The following IGDCC4 variants were observed in gnomAD, a reference collection of about 807,000 sequenced individuals.
IGDCC4 encodes likely ortholog of mouse neighbor of Punc E11.
IGDCC4 carries 72 observed loss-of-function variants against 116.6 expected under a neutral mutation model. The ratio of observed to expected loss-of-function variants is 0.62; its 90% CI spans 0.51 to 0.75. The LOEUF is 0.75. Ranked by LOEUF, IGDCC4 falls within the 30% of genes least tolerant of loss-of-function variation. The pLI, the probability that IGDCC4 is intolerant of heterozygous loss-of-function variation, is 0.00. For synonymous variants in IGDCC4, 709 were observed against 719.9 expected (o/e 0.98, Z 0.24); for missense variants, 1,501 against 1,662.4 (o/e 0.90, Z 1.69).
chr15:65,412,944 TAC>T (rs10563998), intron 1 of IGDCC4, among the ~76,000 whole-genome samples: 48,249 of 147,026 alleles, frequency 0.33, 9,226 homozygotes, highest in East Asian at 0.7. Flanking sequence ...TCTCTCTCTG[TAC>T]ACACACACAC....
rs770329652 is a variant in IGDCC4 at position 65,410,274 on chromosome 15, T to A, written c.467A>T (p.Glu156Val). 2 of 1,614,000 alleles carry A rather than the reference T, an allele frequency of 1.2e-6. No individual in the cohort carries two copies. Among genetic ancestry groups the A allele is most frequent in the Non-Finnish European group, 1.7e-6 (2 of 1,180,026 alleles). ...GCACTCAAAGCGAGCTGTCCCGTTCTCCTCCACCGTCTGAGACTCCGGGTG... is the reference window on the plus strand; with the variant it reads ...GCACTCAAAGCGAGCTGTCCCGTTCACCTCCACCGTCTGAGACTCCGGGTG... ...SLHPESQTVE[E>V]NGTARFECHI... The change falls in exon 3 of 20, where the codon GAG (glutamate) becomes GTG (valine). Residue 156 changes from glutamate to valine, a missense_variant. This residue lies in a region of IGDCC4 where 898 missense variants were observed against 978.9 expected (regional missense o/e 0.92). Transcript: ENST00000352385.
At position 65,402,511 on chromosome 15, in the gene IGDCC4, C is replaced by A. The variant is rs369079493; in HGVS notation, c.564-24G>T. ...GCCTTGGGAAGAGGGGAGCAGGCAA[C>A]TGTGAGGTGGGCAGGGGGGCCACAG... is the stretch of plus-strand genomic sequence containing the variant. On this transcript the variant is annotated intron_variant, in intron 3 of 19. Transcript: ENST00000352385. The A allele has an allele frequency of 3.1e-5, 48 of 1,560,820 alleles. 1 individual carries two copies. Among genetic ancestry groups the A allele is most frequent in the East Asian group, 2.8e-4 (12 of 42,700 alleles).
rs59690408 is a variant in IGDCC4, at chr15:65,413,024, ATGTGTG to A, written c.71-1660_71-1655del. Reference sequence around the variant, plus strand: ...TAAAATGTATTATAAGTGTGAGAAAATGTGTGTGTGTGTGTGTGTGTGTGTGTGTGT... The same window carrying A: ...TAAAATGTATTATAAGTGTGAGAAAATGTGTGTGTGTGTGTGTGTGTGTGT... On this transcript the variant is annotated intron_variant, in intron 1 of 19. Transcript: ENST00000352385. 8.5e-3 allele frequency among the ~76,000 whole-genome samples: 1,239 copies of A among 145,998 alleles called. 17 individuals are homozygous for A. Among genetic ancestry groups the A allele is most frequent in the African/African-American group, 0.024 (943 of 39,590 alleles).
intron 6 of IGDCC4, 46 bp downstream of exon 6, chr15:65,396,788 C>T (rs2062931525): frequency 1.3e-6 from 2 of 1,544,424 alleles, no homozygotes; most frequent in Non-Finnish European, 1.7e-6. Flanking sequence ...CTCTATTCAC[C>T]CCAGCCCCAG....
intron 5 of IGDCC4, among the ~76,000 whole-genome samples, chr15:65,398,525 C>T (rs181590795): frequency 1.8e-4 from 17 of 94,684 alleles, no homozygotes; most frequent in Non-Finnish European, 3.3e-4. Context: ...CAGAGCAAAA[C>T]TCCATCTCAA....
chr15:65,401,236 G>T (rs1442800808), intron 4 of IGDCC4, among the ~76,000 whole-genome samples: 1 of 152,228 alleles, frequency 6.6e-6, no homozygotes, highest in East Asian at 1.9e-4. Flanking sequence ...CCACCATCTA[G>T]GCAGAGGACT....
At chr15:65,411,515 A>T (rs1275321711) in intron 1 of IGDCC4, 145 bp from the exon 2 acceptor site, 1 of 638,550 alleles carries the variant, frequency 1.6e-6, no homozygotes, top group South Asian at 2.5e-5. Flanking sequence ...ACTAACTGTG[A>T]CCTTGGACAA....
intron 14 of IGDCC4, 80 bp downstream of exon 14, chr15:65,389,204 T>C: frequency 1.9e-6 from 3 of 1,570,596 alleles, no homozygotes; most frequent in Non-Finnish European, 2.6e-6. Context: ...CTTGGGGTTC[T>C]GAAGTATGTT....
Position 65,383,771 on chromosome 15 carries a change from T to C in IGDCC4, c.*238A>G. The stretch of plus-strand genomic sequence containing the variant: ...AGTACGCATACATGCACTTCACACA[T>C]GTGCACATCACATGTAGCTATGTCT... On this transcript the variant is annotated 3_prime_UTR_variant, in exon 20 of 20. Coordinates refer to ENST00000352385, the MANE Select transcript of IGDCC4 (RefSeq NM_020962.3). The C allele has an allele frequency of 4.4e-6, 2 of 458,984 alleles. No individual in the cohort carries two copies. The highest frequency in any genetic ancestry group is 3.8e-6 in the Non-Finnish European group (1 of 259,850). 28.4% of individuals were successfully genotyped at this position (458,984 alleles called of 1,614,324 possible). A position where few individuals can be genotyped will look rare whatever the true frequency, so the allele number is the denominator to read the frequency against.
chr15:65,422,661 G>T, intron 1 of IGDCC4, 132 bp downstream of exon 1: 1 of 635,380 alleles, frequency 1.6e-6, no homozygotes, highest in African/African-American at 2.0e-5. Context: ...GGCATCGCGG[G>T]CACCTGGACG....
At chr15:65,399,718 C>T (rs1467062753) in intron 5 of IGDCC4, among the ~76,000 whole-genome samples, 1 of 152,078 alleles carries the variant, frequency 6.6e-6, no homozygotes, top group Non-Finnish European at 1.5e-5. Flanking sequence ...ATTTTATCAG[C>T]TCATTGGTGG....
chr15:65,385,627 C>A, intron 18 of IGDCC4: 1 of 643,836 alleles, frequency 1.6e-6, no homozygotes, highest in South Asian at 1.8e-5. Flanking sequence ...TTCGTGAGAA[C>A]CAAGCTGACC....
intron 13 of IGDCC4, 131 bp downstream of exon 13, chr15:65,390,024 G>A (rs540395812): frequency 3.4e-5 from 27 of 793,802 alleles, no homozygotes; most frequent in Admixed American, 7.5e-5. Flanking sequence ...TGGCCTCAGC[G>A]TAACAGGTGA....
chr15:65,415,508 C>T (rs922557469), intron 1 of IGDCC4, among the ~76,000 whole-genome samples: 5 of 152,212 alleles, frequency 3.3e-5, no homozygotes, highest in Admixed American at 6.5e-5. Flanking sequence ...GCAACAGGAA[C>T]GTAGACACAG....
intron 16 of IGDCC4, 128 bp from the exon 17 acceptor site, chr15:65,386,784 T>C: frequency 1.5e-6 from 1 of 676,330 alleles, no homozygotes; most frequent in South Asian, 1.9e-5. Context: ...CTCACAATCT[T>C]CTGATACAAG....
intron 3 of IGDCC4, among the ~76,000 whole-genome samples, chr15:65,404,444 C>T (rs2063021046): frequency 1.3e-5 from 2 of 152,130 alleles, no homozygotes; most frequent in Non-Finnish European, 2.9e-5. Context: ...AAGTAGGACC[C>T]ACCTAGAAAA....
intron 18 of IGDCC4, 77 bp downstream of exon 18, chr15:65,385,747 CATGCTCG>C: frequency 8.9e-7 from 1 of 1,118,112 alleles, no homozygotes; most frequent in South Asian, 1.2e-5. Context: ...GAGGTAGAGC[CATGCTCG>C]CATAGCCACG....
At chr15:65,407,554 G>A (rs1198931836) in intron 3 of IGDCC4, among the ~76,000 whole-genome samples, 1 of 152,028 alleles carries the variant, frequency 6.6e-6, no homozygotes, top group Non-Finnish European at 1.5e-5. Flanking sequence ...TGTTGGCCAG[G>A]CTGGTCTTGA....
intron 2 of IGDCC4, 120 bp from the exon 3 acceptor site, chr15:65,410,439 C>T: frequency 8.4e-7 from 1 of 1,186,560 alleles, no homozygotes; most frequent in Non-Finnish European, 1.2e-6. Context: ...CAGAAACACA[C>T]AGCAGAGCCA....
Sources: gnomAD v4.1 joint callset for allele counts (sites outside exome capture counted in the v4.1 genomes callset) on GRCh38, gnomAD v4.1.1 for gene constraint, gnomAD v4.1.1 regional missense constraint, MANE v1.5 for transcripts, NCBI Gene and HGNC (gene_info 2026-07-23, HGNC 2026-07-21) for gene names.